The following PCSK9 variants were observed in gnomAD, a reference collection of about 807,000 sequenced individuals.
The protein encoded by PCSK9 is proprotein convertase subtilisin/kexin type 9.
A neutral mutation model predicts 62.1 loss-of-function variants in PCSK9; 57 were observed. The ratio of observed to expected loss-of-function variants is 0.92; its 90% CI spans 0.74 to 1.14. PCSK9 has a LOEUF of 1.14. Among genes scored for constraint, PCSK9 ranks in the 50% most tolerant of loss-of-function variants. The probability of loss-of-function intolerance (pLI) is 0.00; values close to 1 mark genes in which losing one functional copy is unlikely to be tolerated. For missense variants in PCSK9, 870 were observed against 959.8 expected, an observed-to-expected ratio of 0.91 and a Z score of 1.24; for synonymous variants, 387 against 409.4, an observed-to-expected ratio of 0.95 and a Z score of 0.66.
chr1:55,051,496 A>C, intron 3 of PCSK9: 1 of 313,892 alleles, frequency 3.2e-6, no homozygotes, highest in Non-Finnish European at 6.2e-6. Flanking sequence ...TCCCTTCTCC[A>C]TCCAGCAGGC....
chr1:55,040,879 C>A lies in PCSK9; in HGVS notation c.207+835C>A, dbSNP rs1644594142. ...ACTCTGCCAGCTTCTGGCCCTCAGGCTGTGGGAAGCTTCTTCCCGGGGCGA... is the reference window on the plus strand; with the variant it reads ...ACTCTGCCAGCTTCTGGCCCTCAGGATGTGGGAAGCTTCTTCCCGGGGCGA... On this transcript the variant is annotated intron_variant, in intron 1 of 11. Transcript: ENST00000302118. The surrounding 1 kb of genome is among the most constrained non-coding windows in gnomAD (Gnocchi z 4.1). 6.6e-6 allele frequency among the ~76,000 whole-genome samples: 1 copy of A among 152,196 alleles called. No homozygotes were observed. The highest frequency in any genetic ancestry group is 2.1e-4 in the South Asian group (1 of 4,828).
rs1049662014 is a variant in PCSK9 at position 55,056,029 on chromosome 1, C to T, written c.836C>T (p.Pro279Leu). The T allele has an allele frequency of 1.9e-6, 3 of 1,610,358 alleles. No individual in the cohort carries two copies. Among genetic ancestry groups the T allele is most frequent in the Non-Finnish European group, 2.5e-6 (3 of 1,177,662 alleles). Residue 279 changes from proline to leucine, a missense_variant, in exon 6 of 12, where the codon CCT becomes CTT. Pro to Leu is a moderately conservative substitution (Grantham distance 98, BLOSUM62 -3). Coordinates refer to ENST00000302118, the MANE Select transcript of PCSK9 (RefSeq NM_174936.4). ...EFIRKSQLVQ[P>L]VGPLVVLLPL... ...ATTCGGAAAAGCCAGCTGGTCCAGC[C>T]TGTGGGGCCACTGGTGGTGCTGCTG...
At chr1:55,044,161 T>C in intron 2 of PCSK9, 127 bp downstream of exon 2, 1 of 1,125,336 alleles carries the variant, frequency 8.9e-7, no homozygotes, top group Non-Finnish European at 1.3e-6. Context: ...ATTGAGCACT[T>C]ATCGGGTACC....
At chr1:55,041,839 C>T (rs28362210) in intron 1 of PCSK9, among the ~76,000 whole-genome samples, 2,323 of 152,066 alleles carry the variant, frequency 0.015, 55 homozygotes, top group African/African-American at 0.053. Flanking sequence ...AGGAGTTCAG[C>T]GATGATGGTG....
At chr1:55,056,745 C>G (rs981662464) in intron 6 of PCSK9, among the ~76,000 whole-genome samples, 6 of 152,304 alleles carry the variant, frequency 3.9e-5, no homozygotes, top group Non-Finnish European at 5.9e-5. Flanking sequence ...CCCTGAGGAG[C>G]TGGGGGGCAG....
chr1:55,052,474 G>C, intron 4 of PCSK9, 63 bp downstream of exon 4: 8 of 1,612,062 alleles, frequency 5.0e-6, no homozygotes, highest in Non-Finnish European at 6.8e-6. Context: ...GAGGTGGGTG[G>C]GGACTGCCAC....
rs756831842 is a variant in PCSK9, at chr1:55,046,763, C to T, written c.523+117C>T. The T allele has an allele frequency of 4.3e-6, 5 of 1,156,764 alleles. No individual in the cohort carries two copies. The Admixed American group carries it at 8.1e-5, about 19-fold the overall frequency. The allele number at this position is 1,156,764 out of a possible 1,614,324, so 71.7% of individuals were successfully genotyped here. ...TCTCGGGGGGCTTTGGGACTCAGCA[C>T]CTCCACTGACCCCTTTTTTTCTGTC... On this transcript the variant is annotated intron_variant, in intron 3 of 11. Transcript: ENST00000302118.
chr1:55,060,347 G>T (rs564402889), intron 10 of PCSK9, among the ~76,000 whole-genome samples: 2 of 152,180 alleles, frequency 1.3e-5, no homozygotes, highest in Non-Finnish European at 2.9e-5. Flanking sequence ...AGAGGTCTGG[G>T]AAGACAGTGG....
chr1:55,046,297 C>G (rs533575981), intron 2 of PCSK9, among the ~76,000 whole-genome samples: 2 of 152,328 alleles, frequency 1.3e-5, no homozygotes, highest in African/African-American at 4.8e-5. Flanking sequence ...ATCCTCTATG[C>G]CAGACCGTGT....
Position 55,063,659 on chromosome 1 carries a change from C to G in PCSK9, c.*75C>G. 1 of 1,467,260 alleles carries G rather than the reference C, an allele frequency of 6.8e-7. No individual in the cohort carries two copies. The highest frequency in any genetic ancestry group is 9.2e-7 in the Non-Finnish European group (1 of 1,088,660). 90.9% of individuals were successfully genotyped at this position (1,467,260 alleles called of 1,614,324 possible). On this transcript the variant is annotated 3_prime_UTR_variant, in exon 12 of 12. Coordinates refer to ENST00000302118, the MANE Select transcript of PCSK9 (RefSeq NM_174936.4). ...AGCTTTAAAATGGTTCCGACTTGTC[C>G]CTCTCTCAGCCCTCCATGGCCTGGC...
chr1:55,053,022 C>T (rs1644687695), intron 5 of PCSK9, among the ~76,000 whole-genome samples: 1 of 152,232 alleles, frequency 6.6e-6, no homozygotes, highest in South Asian at 2.1e-4. Context: ...GGGAGTTCAG[C>T]CTTGACCCTG....
chr1:55,052,834 T>G (rs771532186), intron 5 of PCSK9, 43 bp downstream of exon 5: 5 of 1,612,488 alleles, frequency 3.1e-6, no homozygotes, highest in Non-Finnish European at 3.4e-6. Flanking sequence ...CATCTGGACC[T>G]GGCCTGGGAG....
At chr1:55,055,189 C>A (rs1644704556) in intron 5 of PCSK9, among the ~76,000 whole-genome samples, 1 of 152,086 alleles carries the variant, frequency 6.6e-6, no homozygotes, top group Non-Finnish European at 1.5e-5. Flanking sequence ...ATCCTGGGAG[C>A]AACTGTCCCT....
At position 55,039,963 on chromosome 1, in the gene PCSK9, G is replaced by A; in HGVS notation, c.126G>A (p.Val42=). The A allele has an allele frequency of 6.3e-7, 1 of 1,578,806 alleles. No homozygotes were observed. The highest frequency in any genetic ancestry group is 8.6e-7 in the Non-Finnish European group (1 of 1,163,308). Residue 42 remains valine, a synonymous_variant, in exon 1 of 12, where the codon GTG becomes GTA. Coordinates refer to ENST00000302118, the MANE Select transcript of PCSK9 (RefSeq NM_174936.4). ...AGGACGGCGACTACGAGGAGCTGGTGCTAGCCTTGCGTTCCGAGGAGGACG... is the reference window on the plus strand; with the variant it reads ...AGGACGGCGACTACGAGGAGCTGGTACTAGCCTTGCGTTCCGAGGAGGACG... ...EDEDGDYEEL[V]LALRSEEDGL... is the part of the protein sequence containing the mutation.
chr1:55,060,053 T>A lies in PCSK9; in HGVS notation c.1681+390T>A, dbSNP rs602705. On this transcript the variant is annotated intron_variant, in intron 10 of 11. Coordinates refer to ENST00000302118, the MANE Select transcript of PCSK9 (RefSeq NM_174936.4). ...CGGTTTGAATTTCACCCTGCCGCTC[T>A]ATAGCTGTGTGACTTGGGCAAATTA... is the stretch of plus-strand genomic sequence containing the variant. 5.3e-5 allele frequency among the ~76,000 whole-genome samples: 8 copies of A among 152,266 alleles called. No individual in the cohort carries two copies. In the East Asian group the frequency reaches 1.4e-3, roughly 26 times the overall value.
intron 6 of PCSK9, among the ~76,000 whole-genome samples, chr1:55,056,855 C>CTGTG (rs765065118): frequency 7.9e-5 from 12 of 152,150 alleles, no homozygotes; most frequent in African/African-American, 2.7e-4. Context: ...AACTTCAAGT[C>CTGTG]TGTGTGTGTG....
chr1:55,061,505 A>G lies in PCSK9; in HGVS notation c.1812A>G (p.Pro604=). The G allele has an allele frequency of 6.2e-7, 1 of 1,605,414 alleles. No homozygotes were observed. Among genetic ancestry groups the G allele is most frequent in the East Asian group, 2.2e-5 (1 of 44,572 alleles). ...ASIHASCCHA[P]GLECKVKEHG... is the part of the protein sequence containing the mutation. ...TCCACGCTTCCTGCTGCCATGCCCC[A>G]GGTCTGGAATGCAAAGTCAAGGAGC... The change falls in exon 11 of 12, where the codon CCA becomes CCG. Residue 604 remains proline, a synonymous_variant. Transcript: ENST00000302118.
At chr1:55,061,862 A>G (rs1006835566) in intron 11 of PCSK9, among the ~76,000 whole-genome samples, 1 of 152,118 alleles carries the variant, frequency 6.6e-6, no homozygotes, top group African/African-American at 2.4e-5. Context: ...TGATTGATCT[A>G]TTTTTTTCTG....
intron 7 of PCSK9, 128 bp from the exon 8 acceptor site, chr1:55,057,908 A>C: frequency 1.4e-5 from 19 of 1,349,062 alleles, no homozygotes; most frequent in Non-Finnish European, 1.9e-5. Context: ...ACCTTCGAGA[A>C]GAGAGCTTAG....
Sources: allele counts gnomAD v4.1 joint callset (sites outside exome capture counted in the v4.1 genomes callset), GRCh38; gene constraint gnomAD v4.1.1; non-coding constraint Gnocchi (gnomAD v3.1); transcripts MANE v1.5; gene names NCBI Gene and HGNC (gene_info 2026-07-23, HGNC 2026-07-21).